The following ELFN2 variants were observed in gnomAD, a reference collection of about 807,000 sequenced individuals.
The protein encoded by ELFN2 is protein phosphatase 1 regulatory subunit 29.
In ELFN2, 17 loss-of-function variants were observed where a neutral mutation model predicts 45.5. The observed-to-expected ratio is 0.37, with a 90% CI of 0.26 to 0.56. The LOEUF (loss-of-function observed/expected upper bound fraction) is 0.56. ELFN2 is among the 20% of genes least tolerant of loss of function. The pLI is 0.77. For synonymous variants in ELFN2, 550 were observed against 551.5 expected (o/e 1.00, Z 0.04); for missense variants, 922 against 1,183.2 (o/e 0.78, Z 3.24).
chr22:37,367,926 A>G (rs1340506240), downstream of ELFN2: 1 of 152,564 alleles, frequency 6.6e-6, no homozygotes, highest in Non-Finnish European at 1.5e-5. Context: ...TGGCAGTGCA[A>G]TGTGGGAGGA....
chr22:37,398,662 A>G (rs1932281832), intron 2 of ELFN2, among the ~76,000 whole-genome samples: 1 of 152,038 alleles, frequency 6.6e-6, no homozygotes, highest in Admixed American at 6.5e-5. Context: ...TAGGCCCCTC[A>G]TGATCTGGCT....
In ELFN2 at chr22:37,349,123, G is replaced by A. The variant is rs963156644; in HGVS notation, n.149-6420C>T. On this transcript the variant is annotated intron_variant and non_coding_transcript_variant, in intron 1 of 2. Coordinates refer to ENST00000452946, the Ensembl canonical transcript of ELFN2. ...CTCTGATGGGCAGTCCTGGGTGCCC[G>A]CTCCCCACGGCAATGTGATACACCC... Among the ~76,000 whole-genome samples, 15 of 151,316 alleles carry A rather than the reference G, an allele frequency of 9.9e-5. 1 individual carries two copies. Among genetic ancestry groups the A allele is most frequent in the African/African-American group, 2.6e-4 (11 of 41,522 alleles).
At chr22:37,416,509 A>T (rs1932760851) in intron 2 of ELFN2, among the ~76,000 whole-genome samples, 1 of 152,148 alleles carries the variant, frequency 6.6e-6, no homozygotes, top group African/African-American at 2.4e-5. Flanking sequence ...CCCAGATGAG[A>T]GACTTATGAG....
intron 2 of ELFN2, among the ~76,000 whole-genome samples, chr22:37,394,578 G>A (rs781240182): frequency 2.0e-5 from 3 of 152,294 alleles, no homozygotes; most frequent in East Asian, 3.9e-4. Flanking sequence ...GGCCAGCACC[G>A]TGAGTCCTCC....
chr22:37,349,464 C>T (rs2145611949), intron 1 of ELFN2, among the ~76,000 whole-genome samples: 1 of 151,342 alleles, frequency 6.6e-6, no homozygotes. Flanking sequence ...CCCCAGGGGC[C>T]CTGCCCACAC....
Position 37,389,794 on chromosome 22 carries a change from C to T in ELFN2, c.-462-13798G>A, listed in dbSNP as rs569408813. 1.4e-3 allele frequency among the ~76,000 whole-genome samples: 212 copies of T among 152,304 alleles called. 3 individuals are homozygous for T. Among genetic ancestry groups the T allele is most frequent in the Non-Finnish European group, 1.7e-3 (117 of 68,028 alleles). On this transcript the variant is annotated intron_variant, in intron 2 of 2. Transcript: ENST00000402918. ...CTACCTGAGGACAGGACCCCATCTT[C>T]CTGTCTGCGCCCCTCCCCCAGTGCC...
At chr22:37,366,063 G>A (rs756367673), downstream of ELFN2, among the ~76,000 whole-genome samples, 70 of 152,264 alleles carry the variant, frequency 4.6e-4, no homozygotes, top group Non-Finnish European at 7.3e-5. Flanking sequence ...GTGGGCTCAC[G>A]GCGTTTGCTC....
chr22:37,346,917 C>T (rs1387858621), intron 1 of ELFN2, among the ~76,000 whole-genome samples: 2 of 152,142 alleles, frequency 1.3e-5, no homozygotes, highest in African/African-American at 2.4e-5. Flanking sequence ...CTCTCCACCC[C>T]CAGCTCTCTG....
chr22:37,394,413 A>T (rs1025098314), intron 2 of ELFN2, among the ~76,000 whole-genome samples: 1 of 152,150 alleles, frequency 6.6e-6, no homozygotes, highest in Non-Finnish European at 1.5e-5. Context: ...CCCAGGCTAA[A>T]GCCAGACGTC....
chr22:37,399,058 G>C (rs545184918), intron 2 of ELFN2, among the ~76,000 whole-genome samples: 33 of 152,196 alleles, frequency 2.2e-4, no homozygotes, highest in Admixed American at 3.3e-4. Context: ...GAGCTCAGGG[G>C]CCTCTGGTGT....
chr22:37,406,148 T>C (rs1436165060), intron 2 of ELFN2, among the ~76,000 whole-genome samples: 1 of 151,794 alleles, frequency 6.6e-6, no homozygotes, highest in South Asian at 2.1e-4. Context: ...TCTCAAAAAA[T>C]AAAATAATAA....
Position 37,375,320 on chromosome 22 carries a change from T to C in ELFN2, c.215A>G (p.Tyr72Cys). ...LNENKLKAVL[Y>C]SSLNRFGNLT... is the part of the protein sequence containing the mutation. ...GTTCCCAAAGCGGTTGAGCGAGGAGTAGAGCACGGCTTTGAGCTTGTTCTC... is the reference window on the plus strand; with the variant it reads ...GTTCCCAAAGCGGTTGAGCGAGGAGCAGAGCACGGCTTTGAGCTTGTTCTC... Residue 72 changes from tyrosine (Y) to cysteine (C), a missense_variant, in exon 3 of 3, where the codon TAC becomes TGC. Coordinates refer to ENST00000402918, the MANE Select transcript of ELFN2 (RefSeq NM_052906.5). 6.2e-7 allele frequency: 1 copy of C among 1,613,618 alleles called. No individual in the cohort carries two copies.
rs142330872 is a variant in ELFN2 at position 37,374,205 on chromosome 22, C to T, written c.1330G>A (p.Gly444Arg). Residue 444 changes from glycine (G) to arginine (R), a missense_variant, in exon 3 of 3, where the codon GGG becomes AGG. Gly to Arg is a moderately radical substitution (Grantham distance 125, BLOSUM62 -2). Transcript: ENST00000402918. Reference protein sequence around the residue: ...VKKTILEMRYGADVDAGSIVH... With the variant: ...VKKTILEMRYRADVDAGSIVH... ...ATGGAGCCGGCATCCACATCAGCCC[C>T]GTAGCGCATCTCCAGGATGGTCTTC... 202 of 1,613,702 alleles carry T rather than the reference C, an allele frequency of 1.3e-4. No individual in the cohort carries two copies. The highest frequency in any genetic ancestry group is 1.6e-4 in the Non-Finnish European group (187 of 1,180,040).
rs142084468 is a variant in ELFN2 at position 37,357,373 on chromosome 22, G to C, written n.149-14670C>G. On this transcript the variant is annotated intron_variant and non_coding_transcript_variant, in intron 1 of 2. Coordinates refer to ENST00000452946, the Ensembl canonical transcript of ELFN2. ...TTGCTCCTGTGGAAGAAGGGAAGGT[G>C]GATACTGGAGAACAGCTTGTGATCT... Among the ~76,000 whole-genome samples, 12 of 152,272 alleles carry C rather than the reference G, an allele frequency of 7.9e-5. No homozygotes were observed. In the East Asian group the frequency reaches 2.3e-3, roughly 29 times the overall value.
At position 37,373,678 on chromosome 22, in the gene ELFN2, G is replaced by A. The variant is rs142310849; in HGVS notation, c.1857C>T (p.Ser619=). 1.9e-5 allele frequency: 30 copies of A among 1,568,268 alleles called. No individual in the cohort carries two copies. Among genetic ancestry groups the A allele is most frequent in the African/African-American group, 1.8e-4 (13 of 73,354 alleles). ...SSHHPLQRQL[S]ADAAVTRKTC... ...TCTTGCGGGTCACGGCCGCGTCGGC[G>A]CTCAGCTGGCGCTGTAGTGGGTGGT... Residue 619 remains serine (S), a synonymous_variant, in exon 3 of 3, where the codon AGC becomes AGT. Coordinates refer to ENST00000402918, the MANE Select transcript of ELFN2 (RefSeq NM_052906.5).
At chr22:37,396,361 C>T (rs1445570198) in intron 2 of ELFN2, among the ~76,000 whole-genome samples, 1 of 152,210 alleles carries the variant, frequency 6.6e-6, no homozygotes, top group Non-Finnish European at 1.5e-5. Context: ...CGGCCCCCAA[C>T]ATGGGGCCAG....
chr22:37,370,069 G>A lies in ELFN2; in HGVS notation c.*3003C>T, dbSNP rs1931322685. 1 of 152,150 alleles carries A rather than the reference G, an allele frequency of 6.6e-6. No homozygotes were observed. The highest frequency in any genetic ancestry group is 6.5e-5 in the Admixed American group (1 of 15,278). The allele number at this position is 152,150 out of a possible 1,614,324, so 9.4% of individuals were successfully genotyped here. On this transcript the variant is annotated 3_prime_UTR_variant, in exon 3 of 3. Transcript: ENST00000402918. ...GCTGAGCAGTTGGGGCTCTGGCCTG[G>A]CTGGGAGGCCAGAGACCCGAGTCTT...
Position 37,417,590 on chromosome 22 carries a change from C to T in ELFN2, c.-463+179G>A, listed in dbSNP as rs910823421. 2.0e-5 allele frequency among the ~76,000 whole-genome samples: 3 copies of T among 152,226 alleles called. No homozygotes were observed. Among genetic ancestry groups the T allele is most frequent in the Non-Finnish European group, 4.4e-5 (3 of 68,038 alleles). On this transcript the variant is annotated intron_variant, in intron 2 of 2. Transcript: ENST00000402918. This position sits in a 1 kb window ranked among gnomAD's most constrained non-coding sequence, Gnocchi z 4.5. ...GCCGCTCTGCAGGCCGCCTCATAGG[C>T]CCTGTGGAAGGAAAGCTGGGTGGGA...
rs544137760 is a variant in ELFN2, at chr22:37,352,122, T to A, written n.149-9419A>T. 4.0e-5 allele frequency: 6 copies of A among 151,206 alleles called. No individual in the cohort carries two copies. The East Asian group carries it at 1.2e-3, about 29-fold the overall frequency. The allele number at this position is 151,206 out of a possible 1,614,324, so 9.4% of individuals were successfully genotyped here. ...ACACGCTCCTCACTCCCAGACCCCA[T>A]GCCCTACCCTATGGGTGCCATAAGT... On this transcript the variant is annotated intron_variant and non_coding_transcript_variant, in intron 1 of 2. Transcript: ENST00000452946.
Sources: gnomAD v4.1 joint callset for allele counts (sites outside exome capture counted in the v4.1 genomes callset) on GRCh38, gnomAD v4.1.1 for gene constraint, Gnocchi (gnomAD v3.1) non-coding constraint, MANE v1.5 for transcripts, NCBI Gene and HGNC (gene_info 2026-07-23, HGNC 2026-07-21) for gene names.